Variants in KCNH1 observed in about 807,000 individuals in gnomAD.
The protein encoded by KCNH1 is voltage-gated delayed rectifier potassium channel KCNH1.
KCNH1 carries 27 observed loss-of-function variants against 69.2 expected under a neutral mutation model. That is an observed-to-expected ratio of 0.39 (90% CI 0.29 to 0.54). The LOEUF (loss-of-function observed/expected upper bound fraction) is 0.54, where lower values mean the gene tolerates loss of function less well. Ranked by LOEUF, KCNH1 falls within the 20% of genes least tolerant of loss-of-function variation. The pLI is 0.68. For synonymous variants in KCNH1, 456 were observed against 487.7 expected, an observed-to-expected ratio of 0.93 and a Z score of 0.86; for missense variants, 798 against 1,261.6, an observed-to-expected ratio of 0.63 and a Z score of 5.57.
chr1:211,064,346 G>C (rs1056409820), intron 5 of KCNH1, among the ~76,000 whole-genome samples: 1 of 152,194 alleles, frequency 6.6e-6, no homozygotes, highest in East Asian at 1.9e-4. Flanking sequence ...GGATCACGAG[G>C]TCAGGAGATC....
At chr1:211,107,906 C>A (rs1391838431) in intron 1 of KCNH1, among the ~76,000 whole-genome samples, 1 of 152,204 alleles carries the variant, frequency 6.6e-6, no homozygotes, top group Non-Finnish European at 1.5e-5. Flanking sequence ...ACACACACAG[C>A]ACCATGGAAC....
At chr1:210,817,855 A>G (rs1221074392) in intron 7 of KCNH1, among the ~76,000 whole-genome samples, 4 of 152,198 alleles carry the variant, frequency 2.6e-5, no homozygotes, top group Non-Finnish European at 4.4e-5. Context: ...TCTCAGCCTC[A>G]GCAGCATTGA....
intron 5 of KCNH1, among the ~76,000 whole-genome samples, chr1:211,045,933 G>C (rs575522535): frequency 6.6e-6 from 1 of 152,202 alleles, no homozygotes; most frequent in South Asian, 2.1e-4. Flanking sequence ...CTATCATGCA[G>C]CATTTGTCCT....
chr1:210,874,130 A>C (rs1240581982), intron 7 of KCNH1, among the ~76,000 whole-genome samples: 1 of 152,216 alleles, frequency 6.6e-6, no homozygotes, highest in African/African-American at 2.4e-5. Context: ...TCAAAGAAAA[A>C]AAAAGTCTTC....
At chr1:211,128,076 G>C (rs1402514089) in intron 1 of KCNH1, among the ~76,000 whole-genome samples, 1 of 152,038 alleles carries the variant, frequency 6.6e-6, no homozygotes, top group Non-Finnish European at 1.5e-5. Flanking sequence ...GGATCACAAG[G>C]TCAGGAGTTC....
intron 10 of KCNH1, among the ~76,000 whole-genome samples, chr1:210,694,685 C>A (rs1212926823): frequency 2.0e-5 from 3 of 152,228 alleles, no homozygotes; most frequent in African/African-American, 4.8e-5. Context: ...GACTTCACAG[C>A]TTTGTACGTC....
chr1:210,861,938 T>C, intron 7 of KCNH1: 4 of 764,306 alleles, frequency 5.2e-6, no homozygotes, highest in Middle Eastern at 2.4e-4. Context: ...CGTTTGGTGA[T>C]GTGATGAATG....
chr1:211,052,314 T>G (rs1353764507), intron 5 of KCNH1, among the ~76,000 whole-genome samples: 1 of 152,208 alleles, frequency 6.6e-6, no homozygotes, highest in African/African-American at 2.4e-5. Flanking sequence ...AAGCTCATTT[T>G]CAATGTACCA....
rs1017239380 is a variant in KCNH1 at position 210,881,761 on chromosome 1, A to T, written c.1462+37879T>A. Among the ~76,000 whole-genome samples, 4 of 152,326 alleles carry T rather than the reference A, an allele frequency of 2.6e-5. No individual in the cohort carries two copies. The East Asian group carries it at 5.8e-4, about 22-fold the overall frequency. On this transcript the variant is annotated intron_variant, in intron 7 of 10. Transcript: ENST00000271751. ...AGAGGAAACTTAAATGTACATTGCT[A>T]TGTGAAAGAAGCCAATATGAAAAGG...
chr1:210,890,420 A>C (rs763176660), intron 7 of KCNH1, among the ~76,000 whole-genome samples: 1 of 152,244 alleles, frequency 6.6e-6, no homozygotes, highest in Non-Finnish European at 1.5e-5. Context: ...CTTAAATGTA[A>C]GACCTAAAAC....
intron 6 of KCNH1, among the ~76,000 whole-genome samples, chr1:210,931,985 G>C (rs1687688590): frequency 6.6e-6 from 1 of 152,032 alleles, no homozygotes; most frequent in African/African-American, 2.4e-5. Context: ...ACACCATTAA[G>C]TTAATAAATT....
chr1:210,971,579 G>C (rs1276980351), intron 6 of KCNH1, among the ~76,000 whole-genome samples: 1 of 152,084 alleles, frequency 6.6e-6, no homozygotes, highest in African/African-American at 2.4e-5. Flanking sequence ...TATGTATCTG[G>C]ATGGTGAAAA....
chr1:210,812,118 C>T (rs6658580), intron 7 of KCNH1, among the ~76,000 whole-genome samples: 30,916 of 152,102 alleles, frequency 0.2, 3,161 homozygotes, highest in Non-Finnish European at 0.22. Flanking sequence ...TTCTTGTATT[C>T]CAGAATATGT....
chr1:211,040,255 G>A lies in KCNH1; in HGVS notation c.559-20999C>T, dbSNP rs542735794. Among the ~76,000 whole-genome samples, 7 of 152,032 alleles carry A rather than the reference G, an allele frequency of 4.6e-5. No homozygotes were observed. The South Asian group carries it at 1.5e-3, about 32-fold the overall frequency. ...GGCATGATTGGTTTTGAAATGTGAG[G>A]ACATGAGACTTGGAGCGGCCAGGAG... On this transcript the variant is annotated intron_variant, in intron 5 of 10. Coordinates refer to ENST00000271751, the MANE Select transcript of KCNH1 (RefSeq NM_172362.3).
In KCNH1 at chr1:210,681,939, C is replaced by T. The variant is rs1376345169; in HGVS notation, c.*1342G>A. 6.6e-6 allele frequency: 1 copy of T among 152,230 alleles called. No individual in the cohort carries two copies. The highest frequency in any genetic ancestry group is 6.5e-5 in the Admixed American group (1 of 15,268). 9.4% of individuals were successfully genotyped at this position (152,230 alleles called of 1,614,324 possible). A position where few individuals can be genotyped will look rare whatever the true frequency, so the allele number is the denominator to read the frequency against. ...GAGAGAAGCCCAAGCACATGAATAA[C>T]CTGACTTAGGTGACCATGAGGCAGT... is the stretch of plus-strand genomic sequence containing the variant. On this transcript the variant is annotated 3_prime_UTR_variant, in exon 11 of 11. Transcript: ENST00000271751.
chr1:210,783,110 G>C (rs1370649141), intron 9 of KCNH1, among the ~76,000 whole-genome samples: 1 of 152,204 alleles, frequency 6.6e-6, no homozygotes, highest in East Asian at 1.9e-4. Context: ...CAACAGCACT[G>C]TGAAGCAAAT....
chr1:210,682,739 C>T lies in KCNH1; in HGVS notation c.*542G>A, dbSNP rs1000143775. 6.5e-6 allele frequency: 1 copy of T among 154,260 alleles called. No homozygotes were observed. The highest frequency in any genetic ancestry group is 1.4e-5 in the Non-Finnish European group (1 of 69,568). 9.6% of individuals were successfully genotyped at this position (154,260 alleles called of 1,614,324 possible). On this transcript the variant is annotated 3_prime_UTR_variant, in exon 11 of 11. Coordinates refer to ENST00000271751, the MANE Select transcript of KCNH1 (RefSeq NM_172362.3). ...GAGACAGAAAGTTTCTGAGCTCTAC[C>T]CTCCTGTCCCTCAAGCTCTGCTTGT...
intron 8 of KCNH1, among the ~76,000 whole-genome samples, chr1:210,798,946 T>C (rs1004934893): frequency 6.6e-6 from 1 of 152,090 alleles, no homozygotes; most frequent in African/African-American, 2.4e-5. Flanking sequence ...AAACACATTA[T>C]GGTATGTCAG....
At chr1:210,774,086 G>T (rs373669030) in intron 10 of KCNH1, among the ~76,000 whole-genome samples, 12 of 152,116 alleles carry the variant, frequency 7.9e-5, no homozygotes, top group African/African-American at 2.4e-4. Flanking sequence ...GGGATAAGTG[G>T]TTGAGTTCGG....
Sources: allele counts gnomAD v4.1 joint callset (sites outside exome capture counted in the v4.1 genomes callset), GRCh38; gene constraint gnomAD v4.1.1; transcripts MANE v1.5; gene names NCBI Gene and HGNC (gene_info 2026-07-23, HGNC 2026-07-21).